Variants in ATP10D observed in about 807,000 individuals in gnomAD.
ATP10D encodes the protein phospholipid-transporting ATPase VD.
ATP10D carries 89 observed loss-of-function variants against 144.8 expected under a neutral mutation model. That is an observed-to-expected ratio of 0.61 (90% CI 0.52 to 0.73). ATP10D has a LOEUF of 0.73. Ranked by LOEUF, ATP10D falls within the 30% of genes least tolerant of loss-of-function variation. ATP10D has a pLI of 0.00. For synonymous variants in ATP10D, 571 were observed against 615.1 expected (o/e 0.93, Z 1.06); for missense variants, 1,603 against 1,714.8 (o/e 0.93, Z 1.15).
intron 1 of ATP10D, among the ~76,000 whole-genome samples, chr4:47,489,389 G>GAA (rs35842572): frequency 1.1e-4 from 17 of 150,254 alleles, no homozygotes; most frequent in Admixed American, 2.6e-4. Flanking sequence ...TCCTAGTTTT[G>GAA]AAAAAAAAAT....
chr4:47,585,260 C>T (rs934501734), intron 21 of ATP10D, among the ~76,000 whole-genome samples: 33 of 142,366 alleles, frequency 2.3e-4, no homozygotes, highest in Admixed American at 1.0e-3. Context: ...AAGTTGGTGC[C>T]AAAAAAAAAA....
At chr4:47,514,169 A>G (rs1385127783) in intron 2 of ATP10D, among the ~76,000 whole-genome samples, 1 of 152,268 alleles carries the variant, frequency 6.6e-6, no homozygotes, top group African/African-American at 2.4e-5. Flanking sequence ...GTCATTCCAC[A>G]TACATTCATT....
At chr4:47,532,930 G>C (rs2109420723) in intron 5 of ATP10D, among the ~76,000 whole-genome samples, 1 of 152,260 alleles carries the variant, frequency 6.6e-6, no homozygotes, top group African/African-American at 2.4e-5. Flanking sequence ...CATGGAAGCT[G>C]TATGTGACAG....
At chr4:47,496,788 G>C (rs953613299) in intron 1 of ATP10D, among the ~76,000 whole-genome samples, 5 of 151,792 alleles carry the variant, frequency 3.3e-5, no homozygotes, top group African/African-American at 1.2e-4. Flanking sequence ...TGCTATTCAT[G>C]TGACTATTAA....
At chr4:47,581,794 G>C (rs1361760878) in intron 20 of ATP10D, among the ~76,000 whole-genome samples, 166 bp from the exon 21 acceptor site, 1 of 152,178 alleles carries the variant, frequency 6.6e-6, no homozygotes, top group Non-Finnish European at 1.5e-5. Context: ...CTGTCTGGGA[G>C]AGAGTCAGTC....
At chr4:47,486,734 C>T (rs1217081572) in intron 1 of ATP10D, among the ~76,000 whole-genome samples, 1 of 152,136 alleles carries the variant, frequency 6.6e-6, no homozygotes, top group Non-Finnish European at 1.5e-5. Flanking sequence ...AAAATGAGGT[C>T]ATTTTATACA....
At chr4:47,568,787 C>A in intron 15 of ATP10D, 50 bp from the exon 16 acceptor site, 1 of 1,507,982 alleles carries the variant, frequency 6.6e-7, no homozygotes, top group Non-Finnish European at 9.0e-7. Flanking sequence ...GTAACTGGTT[C>A]TGACACCAAG....
chr4:47,491,503 A>G (rs1715081328), intron 1 of ATP10D: 17 of 602,760 alleles, frequency 2.8e-5, no homozygotes, highest in South Asian at 2.5e-4. Flanking sequence ...GCCAAAAGGA[A>G]GTGCAAATAA....
At chr4:47,503,913 TAAAAA>T (rs1048724667) in intron 1 of ATP10D, among the ~76,000 whole-genome samples, 1 of 145,584 alleles carries the variant, frequency 6.9e-6, no homozygotes, top group African/African-American at 2.4e-5. Flanking sequence ...AAATAATAAA[TAAAAA>T]ATAAAATAAA....
At position 47,536,503 on chromosome 4, in the gene ATP10D, A is replaced by G. The variant is rs766816894; in HGVS notation, c.1082A>G (p.His361Arg). 11 of 1,613,582 alleles carry G rather than the reference A, an allele frequency of 6.8e-6. No homozygotes were observed. The African/African-American group carries it at 1.1e-4, about 16-fold the overall frequency. The change falls in exon 8 of 23, where the codon CAT becomes CGT. Residue 361 changes from histidine to arginine, a missense_variant. By Grantham distance (29) the His-to-Arg change is conservative. Transcript: ENST00000273859. ...TTCAATGTTCCCGAGCCTGATGGAC[A>G]TATCATATCACCACTGTTGGCAGGA... ...HFFNVPEPDG[H>R]IISPLLAGFY...
At chr4:47,547,673 C>A (rs1365518907) in intron 10 of ATP10D, 1 of 152,116 alleles carries the variant, frequency 6.6e-6, no homozygotes, top group African/African-American at 2.4e-5. Flanking sequence ...AATAAACCAG[C>A]TTTGGGGAAG....
At chr4:47,533,688 T>C (rs1717682266) in intron 5 of ATP10D, among the ~76,000 whole-genome samples, 1 of 152,216 alleles carries the variant, frequency 6.6e-6, no homozygotes, top group African/African-American at 2.4e-5. Flanking sequence ...AGCAATTTAG[T>C]CAAGTAATTA....
chr4:47,485,685 C>CT (rs111548260), intron 1 of ATP10D, among the ~76,000 whole-genome samples, 166 bp downstream of exon 1: 1,991 of 146,832 alleles, frequency 0.014, 15 homozygotes, highest in Non-Finnish European at 0.022. Flanking sequence ...TGTTACTGAA[C>CT]TAAAAAAAAA....
intron 18 of ATP10D, among the ~76,000 whole-genome samples, chr4:47,574,984 T>G (rs1560454141): frequency 1.3e-5 from 2 of 151,562 alleles, no homozygotes; most frequent in African/African-American, 4.9e-5. Context: ...TTTGGTTTGG[T>G]TTTTTTTGCG....
At chr4:47,504,871 C>A (rs1337235879) in intron 1 of ATP10D, among the ~76,000 whole-genome samples, 1 of 152,220 alleles carries the variant, frequency 6.6e-6, no homozygotes, top group Non-Finnish European at 1.5e-5. Flanking sequence ...TACGAAATTT[C>A]TCTGTGCCTT....
chr4:47,568,006 T>G (rs1384166681), intron 15 of ATP10D, among the ~76,000 whole-genome samples: 1 of 152,240 alleles, frequency 6.6e-6, no homozygotes, highest in Non-Finnish European at 1.5e-5. Context: ...GACACAGTAA[T>G]TTCTGGATAA....
At chr4:47,500,815 C>T (rs557079575) in intron 1 of ATP10D, among the ~76,000 whole-genome samples, 1 of 152,134 alleles carries the variant, frequency 6.6e-6, no homozygotes, top group South Asian at 2.1e-4. Context: ...AGGTCATCAC[C>T]AGGAAGAAAG....
intron 19 of ATP10D, 81 bp from the exon 20 acceptor site, chr4:47,580,317 A>G: frequency 9.0e-7 from 1 of 1,112,122 alleles, no homozygotes; most frequent in East Asian, 2.4e-5. Flanking sequence ...AGAGAAACAA[A>G]TGTAAGTACT....
At chr4:47,569,342 A>T (rs1719823414) in intron 16 of ATP10D, among the ~76,000 whole-genome samples, 196 bp downstream of exon 16, 1 of 152,152 alleles carries the variant, frequency 6.6e-6, no homozygotes. Flanking sequence ...GAACCAGGTA[A>T]TAGGGATGTG....
Sources: gnomAD v4.1 joint callset for allele counts (sites outside exome capture counted in the v4.1 genomes callset) on GRCh38, gnomAD v4.1.1 for gene constraint, MANE v1.5 for transcripts, NCBI Gene and HGNC (gene_info 2026-07-23, HGNC 2026-07-21) for gene names.